The following KTN1 variants were observed in gnomAD, a reference collection of about 807,000 sequenced individuals.
KTN1 encodes kinectin 1, also known as kinectin.
In KTN1, 130 loss-of-function variants were observed where a neutral mutation model predicts 222.5. The observed-to-expected ratio is 0.58, with a 90% CI of 0.51 to 0.68. The LOEUF is 0.68. KTN1 is among the 30% of genes least tolerant of loss of function. KTN1 has a pLI of 0.00. For missense variants in KTN1, 1,508 were observed against 1,500.4 expected (o/e 1.01, Z -0.08); for synonymous variants, 512 against 496.3 (o/e 1.03, Z -0.42).
intron 43 of KTN1, chr14:55,682,970 G>A (rs527926454): frequency 1.3e-5 from 2 of 152,248 alleles, no homozygotes; most frequent in East Asian, 1.9e-4. Flanking sequence ...GTAGTATCCA[G>A]AAGAAATGGA....
chr14:55,582,851 G>C (rs1030140828), intron 1 of KTN1, among the ~76,000 whole-genome samples: 3 of 152,090 alleles, frequency 2.0e-5, no homozygotes, highest in Non-Finnish European at 2.9e-5. Context: ...TGACCTGCTT[G>C]TTCTCTGTAC....
At chr14:55,679,483 C>A in intron 42 of KTN1, 82 bp from the exon 43 acceptor site, 1 of 1,113,256 alleles carries the variant, frequency 9.0e-7, no homozygotes, top group Non-Finnish European at 1.3e-6. Flanking sequence ...TTTAAATCAG[C>A]AATATAACAT....
At chr14:55,666,404 G>A (rs764886695) in intron 33 of KTN1, among the ~76,000 whole-genome samples, 26 of 150,402 alleles carry the variant, frequency 1.7e-4, no homozygotes, top group Non-Finnish European at 3.0e-4. Context: ...GTTTAGATGT[G>A]CATTTTTATA....
rs370046134 is a variant in KTN1, at chr14:55,612,582, C to G, written c.523+11C>G. The stretch of plus-strand genomic sequence containing the variant: ...CTAAAAATGGAAGCGGTATTGTAAT[C>G]TATTTAATCTATTTAATTTTATTGT... On this transcript the variant is annotated intron_variant, in intron 2 of 43. Coordinates refer to ENST00000395314, the MANE Select transcript of KTN1 (RefSeq NM_001079521.2). 5.8e-6 allele frequency: 9 copies of G among 1,543,138 alleles called. No homozygotes were observed. The African/African-American group carries it at 1.3e-4, about 21-fold the overall frequency.
In KTN1 at chr14:55,679,697, T is replaced by A. The variant is rs946867240; in HGVS notation, c.4069+12T>A. The A allele has an allele frequency of 6.2e-6, 10 of 1,612,920 alleles. No individual in the cohort carries two copies. The highest frequency in any genetic ancestry group is 8.5e-6 in the Non-Finnish European group (10 of 1,179,302). ...CTACCAGGTGTTAGGTAAGGACAAC[T>A]GAAATATTGCTGTCTATGGGTAATT... is the stretch of plus-strand genomic sequence containing the variant. On this transcript the variant is annotated intron_variant, in intron 43 of 43. Transcript: ENST00000395314.
chr14:55,601,625 G>T (rs1397385916), intron 1 of KTN1: 3 of 152,000 alleles, frequency 2.0e-5, no homozygotes, highest in Non-Finnish European at 4.4e-5. Flanking sequence ...AAAATGATTT[G>T]TAGAGTCATT....
rs2037734477 is a variant in KTN1 at position 55,612,506 on chromosome 14, C to A, written c.458C>A (p.Thr153Asn). 2 of 1,612,166 alleles carry A rather than the reference C, an allele frequency of 1.2e-6. No individual in the cohort carries two copies. The highest frequency in any genetic ancestry group is 2.7e-5 in the African/African-American group (2 of 74,696). The change falls in exon 2 of 44, where the codon ACC becomes AAC. Residue 153 changes from threonine (T) to asparagine (N), a missense_variant. Physicochemically the swap from Thr to Asn is moderately conservative, Grantham distance 65. Coordinates refer to ENST00000395314, the MANE Select transcript of KTN1 (RefSeq NM_001079521.2). Reference protein sequence around the residue: ...VEPVPVTKQPTPPSEAAASKK... With the variant: ...VEPVPVTKQPNPPSEAAASKK... ...CCTGTCCCAGTTACTAAACAGCCCA[C>A]CCCTCCCTCTGAAGCAGCTGCCTCG...
chr14:55,663,708 C>G (rs1011638012), intron 32 of KTN1: 3 of 376,022 alleles, frequency 8.0e-6, no homozygotes, highest in Non-Finnish European at 1.4e-5. Flanking sequence ...GTCACATGTG[C>G]ATAGTAATTA....
chr14:55,647,910 C>T (rs933299308), intron 19 of KTN1, 115 bp from the exon 20 acceptor site: 2 of 245,214 alleles, frequency 8.2e-6, no homozygotes, highest in Non-Finnish European at 1.5e-5. Context: ...CACCACTGCA[C>T]TCCAGCCTGG....
chr14:55,646,458 CCTTTTCCTTTCCTTTCCTTT>C (rs1566788029), intron 18 of KTN1, among the ~76,000 whole-genome samples: 61 of 60,494 alleles, frequency 1.0e-3, no homozygotes, highest in Non-Finnish European at 1.2e-3. Context: ...TTTTCCTTTT[CCTTTTCCTTTCCTTTCCTTT>C]CCTTTCCTTT....
chr14:55,618,244 A>C, intron 4 of KTN1, 110 bp downstream of exon 4: 1 of 802,882 alleles, frequency 1.2e-6, no homozygotes. Flanking sequence ...CAAAAGAATC[A>C]AATCCTTGTG....
intron 29 of KTN1, chr14:55,656,464 T>G (rs1689178240): frequency 5.3e-6 from 1 of 189,834 alleles, no homozygotes. Context: ...GTTATATCAT[T>G]TATTTTATTT....
chr14:55,640,391 T>C lies in KTN1; in HGVS notation c.1932T>C (p.Asn644=). 1.9e-6 allele frequency: 3 copies of C among 1,602,628 alleles called. No individual in the cohort carries two copies. The highest frequency in any genetic ancestry group is 2.6e-6 in the Non-Finnish European group (3 of 1,171,624). The change falls in exon 15 of 44, where the codon AAT becomes AAC. Residue 644 remains asparagine (N), a synonymous_variant. Coordinates refer to ENST00000395314, the MANE Select transcript of KTN1 (RefSeq NM_001079521.2). Reference sequence around the variant, plus strand: ...TGTTCTAGGATATACAGAATATGAATTTCTTATTAAAAGCTGAAGTGCAGA... The same window carrying C: ...TGTTCTAGGATATACAGAATATGAACTTCTTATTAAAAGCTGAAGTGCAGA... ...EEELKDIQNM[N]FLLKAEVQKL...
At chr14:55,596,351 TTC>T (rs1290383550) in intron 1 of KTN1, among the ~76,000 whole-genome samples, 3 of 152,112 alleles carry the variant, frequency 2.0e-5, no homozygotes, top group Non-Finnish European at 4.4e-5. Context: ...CTTAGGCATT[TTC>T]TAATAGTGAG....
rs185227628 is a variant in KTN1 at position 55,617,972 on chromosome 14, G to A, written c.670G>A (p.Asp224Asn). The A allele has an allele frequency of 1.9e-6, 3 of 1,582,138 alleles. No homozygotes were observed. Among genetic ancestry groups the A allele is most frequent in the African/African-American group, 1.4e-5 (1 of 73,412 alleles). The change falls in exon 4 of 44, where the codon GAT becomes AAT. Residue 224 changes from aspartate (D) to asparagine (N), a missense_variant. Asp to Asn is a conservative substitution (Grantham distance 23). Transcript: ENST00000395314. ...KKQKTENVFV[D>N]EPLIHATTYI... ...TTGAACTTAAATTGCAGTCTTCGTA[G>A]ATGAACCCCTTATTCATGCAACTAC...
At chr14:55,629,883 A>T (rs1342670267) in intron 6 of KTN1, 74 bp from the exon 7 acceptor site, 3 of 938,260 alleles carry the variant, frequency 3.2e-6, no homozygotes, top group Non-Finnish European at 5.0e-6. Context: ...AAATAACATC[A>T]TTGTTTATCA....
At chr14:55,678,522 C>T (rs2046080984) in intron 42 of KTN1, 78 bp downstream of exon 42, 8 of 827,728 alleles carry the variant, frequency 9.7e-6, no homozygotes, top group South Asian at 2.8e-5. Flanking sequence ...GTATAAGGTC[C>T]ATCTCCGAAA....
At chr14:55,659,736 G>A in intron 31 of KTN1, 33 bp downstream of exon 31, 1 of 1,261,370 alleles carries the variant, frequency 7.9e-7, no homozygotes, top group Non-Finnish European at 1.2e-6. Flanking sequence ...AGTTTATAAA[G>A]TCGTAACTAT....
intron 5 of KTN1, among the ~76,000 whole-genome samples, chr14:55,627,676 C>T (rs1185672536): frequency 6.6e-6 from 1 of 152,116 alleles, no homozygotes; most frequent in Non-Finnish European, 1.5e-5. Flanking sequence ...CATGTGTTCT[C>T]ATTGTTCAAC....
Sources: allele counts gnomAD v4.1 joint callset (sites outside exome capture counted in the v4.1 genomes callset), GRCh38; gene constraint gnomAD v4.1.1; transcripts MANE v1.5; gene names NCBI Gene and HGNC (gene_info 2026-07-23, HGNC 2026-07-21).